HERC2: variants seen among roughly 807,000 people sequenced by gnomAD.
HERC2 encodes the protein HECT and RLD domain containing E3 ubiquitin protein ligase 2.
Under a neutral mutation model 537.7 loss-of-function variants are expected in HERC2, and 102 were observed. The ratio of observed to expected loss-of-function variants is 0.19; its 90% CI spans 0.16 to 0.22. The LOEUF is 0.22. HERC2 is among the 10% of genes least tolerant of loss of function. The pLI, the probability that HERC2 is intolerant of heterozygous loss-of-function variation, is 1.00. For missense variants in HERC2, 4,236 were observed against 6,198.2 expected, an observed-to-expected ratio of 0.68 and a Z score of 10.63; for synonymous variants, 2,224 against 2,466.2, an observed-to-expected ratio of 0.90 and a Z score of 2.91.
At chr15:28,132,928 T>A in intron 79 of HERC2, 98 bp from the exon 80 acceptor site, 1 of 981,752 alleles carries the variant, frequency 1.0e-6, no homozygotes, top group Non-Finnish European at 1.4e-6. Flanking sequence ...CCTAATCAGT[T>A]AATTGTTAAA....
chr15:28,192,572 T>C (rs1393896049), intron 52 of HERC2, among the ~76,000 whole-genome samples: 3 of 152,164 alleles, frequency 2.0e-5, no homozygotes, highest in Admixed American at 6.5e-5. Context: ...CAAAGACAAC[T>C]AGTAAAGCCA....
In HERC2 at chr15:28,215,816, A is replaced by C. The variant is rs1248664173; in HGVS notation, c.6029-14T>G. ...TGTTTGGAGAAGCTGCAGGAGGGAA[A>C]ATAGACATGCTTGGTAACAAGTCCC... On this transcript the variant is annotated splice_polypyrimidine_tract_variant and intron_variant, in intron 38 of 92. Transcript: ENST00000261609. 2.6e-6 allele frequency: 4 copies of C among 1,522,282 alleles called. No individual in the cohort carries two copies. Among genetic ancestry groups the C allele is most frequent in the Non-Finnish European group, 3.6e-6 (4 of 1,107,756 alleles). 94.3% of individuals were successfully genotyped at this position (1,522,282 alleles called of 1,614,324 possible).
intron 71 of HERC2, among the ~76,000 whole-genome samples, chr15:28,145,261 G>A (rs544118975): frequency 3.0e-4 from 46 of 152,356 alleles, no homozygotes; most frequent in African/African-American, 1.1e-3. Flanking sequence ...GTTCAGCACG[G>A]CCCAGAGTAG....
In HERC2 at chr15:28,280,182, C is replaced by A. The variant is rs758838874; in HGVS notation, c.428G>T (p.Arg143Met). The A allele has an allele frequency of 1.1e-5, 17 of 1,614,210 alleles. No individual in the cohort carries two copies. Among genetic ancestry groups the A allele is most frequent in the Non-Finnish European group, 1.3e-5 (15 of 1,180,036 alleles). Residue 143 changes from arginine (R) to methionine (M), a missense_variant, in exon 5 of 93, where the codon AGG becomes ATG. Physicochemically the swap from Arg to Met is moderately conservative, Grantham distance 91. Around this residue, in one of 27 missense-constraint regions of HERC2, gnomAD observed 491 missense variants for 559.3 expected, o/e 0.88. Transcript: ENST00000261609. ...TTLSALRLKQ[R>M]LVILERYFIA... ...GAAATAGCGCTCCAAGATCACCAGC[C>A]TCTGCTTGAGTCGCAGGGCTGAGAG...
chr15:28,192,205 A>G, intron 52 of HERC2, 54 bp from the exon 53 acceptor site: 1 of 1,439,718 alleles, frequency 6.9e-7, no homozygotes, highest in East Asian at 2.3e-5. Context: ...GGGGAGAAAC[A>G]TCATGATCAA....
At chr15:28,193,118 A>C (rs555249262) in intron 52 of HERC2, among the ~76,000 whole-genome samples, 16 of 152,192 alleles carry the variant, frequency 1.1e-4, no homozygotes, top group African/African-American at 3.4e-4. Context: ...TTTTAAATAC[A>C]ATGTCCAGTA....
chr15:28,239,084 T>C (rs1902769038), intron 23 of HERC2, among the ~76,000 whole-genome samples: 1 of 152,048 alleles, frequency 6.6e-6, no homozygotes, highest in Non-Finnish European at 1.5e-5. Flanking sequence ...TAGAAATAGG[T>C]TTTCAAAAAT....
chr15:28,249,009 C>CT (rs1431896152), intron 20 of HERC2, among the ~76,000 whole-genome samples: 1 of 152,222 alleles, frequency 6.6e-6, no homozygotes, highest in East Asian at 1.9e-4. Flanking sequence ...GTGGTCCAAA[C>CT]TGCAGAAGAT....
Position 28,167,780 on chromosome 15 carries a change from CGACG to C in HERC2, c.10457_10460del (p.Pro3486ArgfsTer13). 6.2e-7 allele frequency: 1 copy of C among 1,614,092 alleles called. No individual in the cohort carries two copies. Among genetic ancestry groups the C allele is most frequent in the South Asian group, 1.1e-5 (1 of 91,080 alleles). On this transcript the variant is annotated frameshift_variant, in exon 68 of 93. Coordinates refer to ENST00000261609, the MANE Select transcript of HERC2 (RefSeq NM_004667.6). LOFTEE classifies it high-confidence loss of function. The stretch of plus-strand genomic sequence containing the variant: ...AAGGCCGAGCGGAGGCTGAGGGGGC[CGACG>C]GAGTCACTGCAGAGGGGGTCACTGC...
chr15:28,167,659 A>G, intron 68 of HERC2, 28 bp downstream of exon 68: 1 of 1,612,546 alleles, frequency 6.2e-7, no homozygotes, highest in Non-Finnish European at 8.5e-7. Flanking sequence ...ATTTCACAAT[A>G]CAAAGTTAAA....
chr15:28,139,901 A>ATAC (rs1362858153), intron 78 of HERC2, among the ~76,000 whole-genome samples: 1 of 150,140 alleles, frequency 6.7e-6, no homozygotes, highest in Non-Finnish European at 1.5e-5. Context: ...TCTACTAAAA[A>ATAC]AAAAAAAAAA....
intron 78 of HERC2, among the ~76,000 whole-genome samples, chr15:28,136,470 G>A (rs905332206): frequency 2.6e-5 from 4 of 152,254 alleles, no homozygotes; most frequent in African/African-American, 9.6e-5. Flanking sequence ...AATGCAGCAT[G>A]CCTCCCAGGA....
At position 28,281,986 on chromosome 15, in the gene HERC2, C is replaced by T. The variant is rs777819223; in HGVS notation, c.323-1699G>A. ...ACCCACGTGCCCTTCTCCCTGACACCCTCCTGCTTATTCCGTCGCAATCCT... is the reference window on the plus strand; with the variant it reads ...ACCCACGTGCCCTTCTCCCTGACACTCTCCTGCTTATTCCGTCGCAATCCT... On this transcript the variant is annotated intron_variant, in intron 4 of 92. Transcript: ENST00000261609. Among the ~76,000 whole-genome samples the T allele has an allele frequency of 1.1e-4, 16 of 152,192 alleles. 1 individual carries two copies. The highest frequency in any genetic ancestry group is 2.1e-4 in the South Asian group (1 of 4,834).
At chr15:28,125,503 T>C (rs936575392) in intron 83 of HERC2, among the ~76,000 whole-genome samples, 2 of 152,196 alleles carry the variant, frequency 1.3e-5, no homozygotes, top group Non-Finnish European at 2.9e-5. Context: ...CAGTGTTAGT[T>C]CTCAGGACTA....
Position 28,229,420 on chromosome 15 carries a change from T to C in HERC2, c.5120+40A>G, listed in dbSNP as rs184453960. ...GTTACAGAACAACATTTTGTTGCCATAGCTACCTTAATTAAGAAAAAAATA... is the reference window on the plus strand; with the variant it reads ...GTTACAGAACAACATTTTGTTGCCACAGCTACCTTAATTAAGAAAAAAATA... On this transcript the variant is annotated intron_variant, in intron 33 of 92. Transcript: ENST00000261609. 25 of 1,613,704 alleles carry C rather than the reference T, an allele frequency of 1.5e-5. No homozygotes were observed. In the East Asian group the frequency reaches 4.9e-4, roughly 32 times the overall value.
In HERC2 at chr15:28,212,577, C is replaced by G. The variant is rs770581173; in HGVS notation, c.6793G>C (p.Ala2265Pro). ...AGGTTGTTCACATTAAAGGCCACGG[C>G]AGGGAGCTGGAGAGGACACAGAAGC... The part of the protein sequence containing the change: ...CPLNQLKPLP[A>P]VAFNVNNLPF... The change falls in exon 43 of 93, where the codon GCC becomes CCC. Residue 2265 changes from alanine to proline, a missense_variant. Physicochemically the swap from Ala to Pro is conservative, Grantham distance 27. Transcript: ENST00000261609. 6.2e-7 allele frequency: 1 copy of G among 1,607,698 alleles called. No individual in the cohort carries two copies. Among genetic ancestry groups the G allele is most frequent in the Non-Finnish European group, 8.5e-7 (1 of 1,176,670 alleles).
At chr15:28,164,553 G>A (rs753184102) in intron 68 of HERC2, among the ~76,000 whole-genome samples, 1 of 151,832 alleles carries the variant, frequency 6.6e-6, no homozygotes, top group Non-Finnish European at 1.5e-5. Context: ...TTTTATGAGG[G>A]TGTCTTAAAA....
chr15:28,283,287 A>C (rs1380979273), intron 4 of HERC2, among the ~76,000 whole-genome samples: 1 of 152,204 alleles, frequency 6.6e-6, no homozygotes, highest in Non-Finnish European at 1.5e-5. Flanking sequence ...AAAAAACAAA[A>C]GACAAAACAT....
intron 3 of HERC2, among the ~76,000 whole-genome samples, chr15:28,294,947 C>T (rs1408895844): frequency 6.6e-6 from 1 of 151,894 alleles, no homozygotes; most frequent in Non-Finnish European, 1.5e-5. Context: ...TTCCATGATA[C>T]AGCTTTTTCT....
Sources: gnomAD v4.1 joint callset for allele counts (sites outside exome capture counted in the v4.1 genomes callset) on GRCh38, gnomAD v4.1.1 for gene constraint, gnomAD v4.1.1 regional missense constraint, MANE v1.5 for transcripts, NCBI Gene and HGNC (gene_info 2026-07-23, HGNC 2026-07-21) for gene names.